The following ACAP1 variants were observed in gnomAD, a reference collection of about 807,000 sequenced individuals.
ACAP1 encodes the protein ArfGAP with coiled-coil, ankyrin repeat and PH domains 1.
A neutral mutation model predicts 98.8 loss-of-function variants in ACAP1; 45 were observed. The observed-to-expected ratio is 0.46, with a 90% CI of 0.36 to 0.58. The LOEUF (loss-of-function observed/expected upper bound fraction) is 0.58. Ranked by LOEUF, ACAP1 falls within the 20% of genes least tolerant of loss-of-function variation. The pLI is 0.00. For synonymous variants in ACAP1, 362 were observed against 375.3 expected, an observed-to-expected ratio of 0.96 and a Z score of 0.41; for missense variants, 735 against 971.4, an observed-to-expected ratio of 0.76 and a Z score of 3.24.
intron 15 of ACAP1, 23 bp downstream of exon 15, chr17:7,348,014 T>C (rs745989072): frequency 2.6e-5 from 42 of 1,613,762 alleles, no homozygotes; most frequent in African/African-American, 9.3e-5. Flanking sequence ...ATTGTGAAGA[T>C]TGGGGGCAAG....
At chr17:7,338,064 A>G (rs1597646823) in intron 2 of ACAP1, among the ~76,000 whole-genome samples, 2 of 151,726 alleles carry the variant, frequency 1.3e-5, no homozygotes, top group East Asian at 1.9e-4. Flanking sequence ...ACAAATACAC[A>G]CTCAAATGCT....
At chr17:7,349,912 C>A (rs767387791) in intron 18 of ACAP1, 33 bp from the exon 19 acceptor site, 11 of 1,538,110 alleles carry the variant, frequency 7.2e-6, no homozygotes, top group Middle Eastern at 1.7e-4. Context: ...AGGGATGCCA[C>A]CCTCAACCCC....
intron 17 of ACAP1, 143 bp downstream of exon 17, chr17:7,348,618 G>A (rs2073371745): frequency 2.1e-6 from 2 of 945,606 alleles, no homozygotes; most frequent in Non-Finnish European, 1.5e-6. Context: ...AGGGGTTACG[G>A]TGGAGTGTGA....
chr17:7,349,238 C>A, intron 18 of ACAP1, 71 bp downstream of exon 18: 1 of 1,533,472 alleles, frequency 6.5e-7, no homozygotes, highest in South Asian at 1.2e-5. Context: ...GGGCCCTGCC[C>A]TTACCTCCTT....
At chr17:7,347,624 G>A (rs2073359792) in intron 14 of ACAP1, 1 of 551,954 alleles carries the variant, frequency 1.8e-6, no homozygotes, top group Non-Finnish European at 3.2e-6. Flanking sequence ...AGGTGACATG[G>A]GAGAGGTTGT....
chr17:7,347,557 A>C, intron 14 of ACAP1: 1 of 511,324 alleles, frequency 2.0e-6, no homozygotes. Flanking sequence ...AGAAACGGTC[A>C]TGAGGCCTTA....
At position 7,351,279 on chromosome 17, in the gene ACAP1, T is replaced by C; in HGVS notation, c.2123-16T>C. 6.2e-7 allele frequency: 1 copy of C among 1,605,338 alleles called. No homozygotes were observed. Among genetic ancestry groups the C allele is most frequent in the African/African-American group, 1.3e-5 (1 of 74,852 alleles). On this transcript the variant is annotated splice_polypyrimidine_tract_variant and intron_variant, in intron 21 of 21. Transcript: ENST00000158762. ...CTGGGGCCCAGCCGCCTCCCGGCCT[T>C]TCCTCCCTCCCCCAGGAGATGAGAC...
In ACAP1 at chr17:7,349,049, C is replaced by T. The variant is rs749403152; in HGVS notation, c.1733C>T (p.Ala578Val). 1.5e-4 allele frequency: 247 copies of T among 1,613,858 alleles called. No individual in the cohort carries two copies. The South Asian group carries it at 2.4e-3, about 16-fold the overall frequency. Residue 578 changes from alanine (A) to valine (V), a missense_variant, in exon 18 of 22, where the codon GCG (alanine) becomes GTG (valine). Physicochemically the swap from Ala to Val is moderately conservative, Grantham distance 64. This residue lies in a region of ACAP1 where 142 missense variants were observed against 224.1 expected (regional missense o/e 0.63). Transcript: ENST00000158762. Reference protein sequence around the residue: ...SLHPGALLFRASGHPPSLPTM... With the variant: ...SLHPGALLFRVSGHPPSLPTM... ...CACCCTGGGGCCCTACTGTTTCGAG[C>T]GTCTGGGCATCCTCCATCTCTTCCC...
Position 7,343,400 on chromosome 17 carries a change from G to C in ACAP1, c.366G>C (p.Glu122Asp). ...TCAGAGGTCTGCGGGGTTTCCGAGAGGCTCGCCGGGATTTCTGGCGGGGGG... is the reference window on the plus strand; with the variant it reads ...TCAGAGGTCTGCGGGGTTTCCGAGACGCTCGCCGGGATTTCTGGCGGGGGG... The part of the protein sequence containing the change: ...LVKEGLRGFR[E>D]ARRDFWRGAE... Residue 122 changes from glutamate (E) to aspartate (D), a missense_variant, in exon 6 of 22, where the codon GAG becomes GAC. Glu to Asp is a conservative substitution (Grantham distance 45). Transcript: ENST00000158762. The surrounding 1 kb of genome is among the most constrained non-coding windows in gnomAD (Gnocchi z 4.9). 6.2e-7 allele frequency: 1 copy of C among 1,613,462 alleles called. No homozygotes were observed. The highest frequency in any genetic ancestry group is 8.5e-7 in the Non-Finnish European group (1 of 1,179,844).
chr17:7,343,605 G>C lies in ACAP1; in HGVS notation c.528+43G>C. The stretch of plus-strand genomic sequence containing the variant: ...TCTTCCTGGGGTACCAGAGCCTCAA[G>C]TGTCACCTCGAGGCTTGGGGGTCTC... On this transcript the variant is annotated intron_variant, in intron 6 of 21. Transcript: ENST00000158762. The surrounding 1 kb of genome is among the most constrained non-coding windows in gnomAD (Gnocchi z 4.9). The C allele has an allele frequency of 1.9e-6, 3 of 1,598,934 alleles. No homozygotes were observed. Among genetic ancestry groups the C allele is most frequent in the Non-Finnish European group, 2.6e-6 (3 of 1,170,108 alleles).
At chr17:7,347,280 C>A (rs1219934574) in intron 14 of ACAP1, 38 bp downstream of exon 14, 6 of 1,568,700 alleles carry the variant, frequency 3.8e-6, no homozygotes, top group Admixed American at 3.5e-5. Flanking sequence ...CCCACTCCTT[C>A]GGGCCACAGT....
chr17:7,350,463 C>G lies in ACAP1; in HGVS notation c.2072+226C>G, dbSNP rs2073394839. The G allele has an allele frequency of 3.5e-6, 2 of 579,130 alleles. No individual in the cohort carries two copies. The highest frequency in any genetic ancestry group is 2.1e-5 in the South Asian group (1 of 47,692). The allele number at this position is 579,130 out of a possible 1,614,324, so 35.9% of individuals were successfully genotyped here. On this transcript the variant is annotated intron_variant, in intron 20 of 21. Coordinates refer to ENST00000158762, the MANE Select transcript of ACAP1 (RefSeq NM_014716.4). The surrounding 1 kb of genome is among the most constrained non-coding windows in gnomAD (Gnocchi z 4.6). ...GGAGGGCGGGCAGGGTGCAAGGATG[C>G]TTGGCCCACCCTGAGAGGCGTAATT...
In ACAP1 at chr17:7,347,960, C is replaced by T. The variant is rs2073363692; in HGVS notation, c.1382C>T (p.Thr461Ile). 1 of 1,614,196 alleles carries T rather than the reference C, an allele frequency of 6.2e-7. No homozygotes were observed. Among genetic ancestry groups the T allele is most frequent in the South Asian group, 1.1e-5 (1 of 91,088 alleles). Residue 461 changes from threonine to isoleucine, a missense_variant, in exon 15 of 22, where the codon ACC becomes ATC. Coordinates refer to ENST00000158762, the MANE Select transcript of ACAP1 (RefSeq NM_014716.4). ...GVHFSKVRSL[T>I]LDSWEPELVK... ...CACTTCTCCAAAGTCCGGTCTCTGACCCTTGACTCATGGGAGCCAGAACTA... is the reference window on the plus strand; with the variant it reads ...CACTTCTCCAAAGTCCGGTCTCTGATCCTTGACTCATGGGAGCCAGAACTA...
Position 7,344,019 on chromosome 17 carries a change from G to C in ACAP1, c.670-30G>C. The C allele has an allele frequency of 1.3e-6, 2 of 1,579,708 alleles. No homozygotes were observed. Among genetic ancestry groups the C allele is most frequent in the Non-Finnish European group, 1.7e-6 (2 of 1,162,216 alleles). On this transcript the variant is annotated intron_variant, in intron 8 of 21. Transcript: ENST00000158762. The surrounding 1 kb of genome is among the most constrained non-coding windows in gnomAD (Gnocchi z 4.9). ...TAGGGACTCCTAACTGGGGGGCCTT[G>C]GACATCTGAGATGCCCTTCCTGTGC...
intron 1 of ACAP1, 62 bp downstream of exon 1, chr17:7,336,849 C>T (rs1324144609): frequency 1.9e-6 from 3 of 1,564,286 alleles, no homozygotes; most frequent in South Asian, 1.1e-5. Flanking sequence ...AGCACACACA[C>T]ACCTTTCCCC....
At chr17:7,342,609 C>T in intron 5 of ACAP1, 135 bp downstream of exon 5, 1 of 1,051,554 alleles carries the variant, frequency 9.5e-7, no homozygotes, top group Non-Finnish European at 1.4e-6. Context: ...ACAAAAAATA[C>T]AAAAATTAGG....
chr17:7,340,642 C>T (rs946398677), intron 2 of ACAP1, among the ~76,000 whole-genome samples: 48 of 152,118 alleles, frequency 3.2e-4, no homozygotes, highest in African/African-American at 1.1e-3. Flanking sequence ...GTCAGGAGTT[C>T]GAGACCAGCC....
chr17:7,339,757 T>C (rs577516754), intron 2 of ACAP1, among the ~76,000 whole-genome samples: 18 of 152,336 alleles, frequency 1.2e-4, no homozygotes, highest in African/African-American at 2.2e-4. Context: ...TTATCACGTG[T>C]ATGGATTCCT....
chr17:7,346,733 G>A, intron 12 of ACAP1, 75 bp from the exon 13 acceptor site: 3 of 1,510,846 alleles, frequency 2.0e-6, no homozygotes, highest in South Asian at 1.2e-5. Context: ...CTGGCTGAAT[G>A]TCAGTCTGCC....
Sources: allele counts gnomAD v4.1 joint callset (sites outside exome capture counted in the v4.1 genomes callset), GRCh38; gene constraint gnomAD v4.1.1; regional missense constraint gnomAD v4.1.1; non-coding constraint Gnocchi (gnomAD v3.1); transcripts MANE v1.5; gene names NCBI Gene and HGNC (gene_info 2026-07-23, HGNC 2026-07-21).